Variants in INPP4B observed in about 807,000 individuals in gnomAD.
INPP4B encodes the protein inositol polyphosphate 4-phosphatase type II.
A neutral mutation model predicts 122.5 loss-of-function variants in INPP4B; 55 were observed. The observed-to-expected ratio is 0.45, with a 90% CI of 0.36 to 0.56. The LOEUF (loss-of-function observed/expected upper bound fraction) is 0.56, where lower values mean the gene tolerates loss of function less well. Among genes scored for constraint, INPP4B ranks in the 20% least tolerant of loss-of-function variants. The pLI, the probability that INPP4B is intolerant of heterozygous loss-of-function variation, is 0.00. For missense variants in INPP4B, 1,000 were observed against 1,097.7 expected (o/e 0.91, Z 1.26); for synonymous variants, 403 against 388.7 (o/e 1.04, Z -0.43).
intron 12 of INPP4B, among the ~76,000 whole-genome samples, chr4:142,235,367 ATATAT>A (rs1178742502): frequency 1.3e-5 from 2 of 150,648 alleles, no homozygotes; most frequent in African/African-American, 2.4e-5. Flanking sequence ...TAGTATAATA[ATATAT>A]TATGTTAATG....
intron 10 of INPP4B, among the ~76,000 whole-genome samples, chr4:142,264,645 G>A (rs188434454): frequency 9.6e-4 from 146 of 152,214 alleles, no homozygotes; most frequent in African/African-American, 3.2e-3. Context: ...GAAAGCAAAC[G>A]TATGTGAGAA....
chr4:142,694,300 G>C (rs1428248112), intron 2 of INPP4B, among the ~76,000 whole-genome samples: 87 of 149,760 alleles, frequency 5.8e-4, no homozygotes, highest in Non-Finnish European at 5.9e-5. Flanking sequence ...TTGAACCCAG[G>C]AAACAGTGGT....
intron 2 of INPP4B, among the ~76,000 whole-genome samples, chr4:142,478,883 C>A (rs975922977): frequency 1.3e-5 from 2 of 152,062 alleles, no homozygotes; most frequent in African/African-American, 4.8e-5. Flanking sequence ...AAACCTAAAA[C>A]TATAAAAACC....
intron 2 of INPP4B, among the ~76,000 whole-genome samples, chr4:142,611,518 T>C (rs943266572): frequency 2.0e-5 from 3 of 152,068 alleles, no homozygotes; most frequent in Non-Finnish European, 2.9e-5. Flanking sequence ...GGCCTAACAT[T>C]AAAATACATA....
intron 7 of INPP4B, among the ~76,000 whole-genome samples, chr4:142,347,948 A>G (rs1780799753): frequency 6.6e-6 from 1 of 152,066 alleles, no homozygotes; most frequent in South Asian, 2.1e-4. Flanking sequence ...GCAATGAACT[A>G]TAATTGTCAG....
chr4:142,600,436 T>C (rs2150293359), intron 2 of INPP4B, among the ~76,000 whole-genome samples: 1 of 152,262 alleles, frequency 6.6e-6, no homozygotes, highest in South Asian at 2.1e-4. Flanking sequence ...GGTAATTCAA[T>C]ACCACTAGAC....
chr4:142,183,291 T>C (rs1047815445), intron 15 of INPP4B, among the ~76,000 whole-genome samples: 1 of 152,170 alleles, frequency 6.6e-6, no homozygotes, highest in African/African-American at 2.4e-5. Context: ...CAATCCATCT[T>C]CCTTCTCTGA....
At chr4:142,115,819 C>T (rs966650248) in intron 21 of INPP4B, among the ~76,000 whole-genome samples, 3 of 152,028 alleles carry the variant, frequency 2.0e-5, no homozygotes. Context: ...CAATATTAAC[C>T]TTAAATGTAA....
rs553131382 is a variant in INPP4B, at chr4:142,761,087, G to A, written c.-253-35186C>T. Among the ~76,000 whole-genome samples, 34 of 152,028 alleles carry A rather than the reference G, an allele frequency of 2.2e-4. 1 individual carries two copies. Among genetic ancestry groups the A allele is most frequent in the South Asian group, 8.3e-4 (4 of 4,816 alleles). On this transcript the variant is annotated intron_variant, in intron 1 of 25. Coordinates refer to ENST00000262992, the MANE Select transcript of INPP4B (RefSeq NM_001101669.3). ...TCACACAGAAGCTTCTCTGGCCCAG[G>A]ACGTAGCATCCATTATCTTCCCAAG... is the stretch of plus-strand genomic sequence containing the variant.
chr4:142,307,363 CATATT>C (rs143657919), intron 8 of INPP4B, among the ~76,000 whole-genome samples: 1,788 of 152,256 alleles, frequency 0.012, 37 homozygotes, highest in African/African-American at 0.041. Flanking sequence ...GACCACCTGA[CATATT>C]ATATATTTAT....
intron 11 of INPP4B, among the ~76,000 whole-genome samples, chr4:142,239,309 C>T (rs1284317132): frequency 6.6e-6 from 1 of 152,108 alleles, no homozygotes; most frequent in African/African-American, 2.4e-5. Flanking sequence ...GTACATGCGT[C>T]CTGCCAAGAA....
At chr4:142,408,918 G>C (rs1477003414) in intron 5 of INPP4B, among the ~76,000 whole-genome samples, 2 of 152,116 alleles carry the variant, frequency 1.3e-5, no homozygotes, top group Non-Finnish European at 2.9e-5. Context: ...CTTGTATCCA[G>C]TGTATTTTTT....
At chr4:142,166,285 A>G (rs557161602) in intron 16 of INPP4B, among the ~76,000 whole-genome samples, 1 of 151,772 alleles carries the variant, frequency 6.6e-6, no homozygotes, top group African/African-American at 2.4e-5. Flanking sequence ...TGGATATCCA[A>G]TTGTTTCTGC....
At chr4:142,091,267 T>C (rs1779411244) in intron 23 of INPP4B, among the ~76,000 whole-genome samples, 2 of 152,182 alleles carry the variant, frequency 1.3e-5, no homozygotes, top group Admixed American at 1.3e-4. Flanking sequence ...GAGCCAAGAT[T>C]CCAGGAAAGT....
chr4:142,685,001 AAATTT>A (rs1168767102), intron 2 of INPP4B, among the ~76,000 whole-genome samples: 2 of 152,092 alleles, frequency 1.3e-5, no homozygotes, highest in African/African-American at 2.4e-5. Context: ...AACATTTCTA[AAATTT>A]AATTTATTTT....
intron 7 of INPP4B, among the ~76,000 whole-genome samples, chr4:142,398,090 A>G (rs2149084564): frequency 6.6e-6 from 1 of 151,660 alleles, no homozygotes; most frequent in African/African-American, 2.4e-5. Context: ...AAAAACATAT[A>G]ACAGCCTGGG....
At chr4:142,533,427 T>A (rs1284007715) in intron 2 of INPP4B, among the ~76,000 whole-genome samples, 1 of 152,178 alleles carries the variant, frequency 6.6e-6, no homozygotes, top group Non-Finnish European at 1.5e-5. Flanking sequence ...GAAAGAGGAA[T>A]TACTGTTACC....
intron 9 of INPP4B, chr4:142,286,774 A>G (rs1043835377): frequency 6.6e-6 from 1 of 152,186 alleles, no homozygotes; most frequent in Non-Finnish European, 1.5e-5. Flanking sequence ...GATGCATCTA[A>G]TTTTAAAAAA....
At chr4:142,509,475 G>A (rs961631675) in intron 2 of INPP4B, among the ~76,000 whole-genome samples, 2 of 152,046 alleles carry the variant, frequency 1.3e-5, no homozygotes, top group Non-Finnish European at 2.9e-5. Context: ...AGAACATGCA[G>A]TGTTTGGTTT....
Sources: gnomAD v4.1 joint callset for allele counts (sites outside exome capture counted in the v4.1 genomes callset) on GRCh38, gnomAD v4.1.1 for gene constraint, MANE v1.5 for transcripts, NCBI Gene and HGNC (gene_info 2026-07-23, HGNC 2026-07-21) for gene names.